NCAPH: variants seen among roughly 807,000 people sequenced by gnomAD.
The protein encoded by NCAPH is non-SMC condensin I complex subunit H, also known as condensin complex subunit 2.
In NCAPH, 38 loss-of-function variants were observed where a neutral mutation model predicts 85.5. The observed-to-expected ratio is 0.44, with a 90% CI of 0.34 to 0.58. NCAPH has a LOEUF of 0.58. Ranked by LOEUF, NCAPH falls within the 20% of genes least tolerant of loss-of-function variation. NCAPH has a pLI of 0.01. For synonymous variants in NCAPH, 301 were observed against 335.1 expected, an observed-to-expected ratio of 0.90 and a Z score of 1.11; for missense variants, 789 against 916.6, an observed-to-expected ratio of 0.86 and a Z score of 1.80.
intron 12 of NCAPH, among the ~76,000 whole-genome samples, chr2:96,361,328 G>C (rs2064605859): frequency 6.6e-6 from 1 of 152,042 alleles, no homozygotes; most frequent in Non-Finnish European, 1.5e-5. Flanking sequence ...AGGATTATAG[G>C]TGTGAGCCAC....
At chr2:96,361,763 TATA>T (rs2064615131) in intron 12 of NCAPH, among the ~76,000 whole-genome samples, 2 of 128,902 alleles carry the variant, frequency 1.6e-5, no homozygotes, top group Admixed American at 8.1e-5. Flanking sequence ...TATATATATA[TATA>T]TACATATATA....
chr2:96,345,482 A>G (rs924062696), intron 6 of NCAPH, among the ~76,000 whole-genome samples: 2 of 152,188 alleles, frequency 1.3e-5, no homozygotes, highest in African/African-American at 4.8e-5. Flanking sequence ...CCGGGGTGGA[A>G]CACTGCTGGG....
chr2:96,345,745 T>G (rs1365670565), intron 6 of NCAPH, among the ~76,000 whole-genome samples: 3 of 152,098 alleles, frequency 2.0e-5, no homozygotes, highest in South Asian at 4.1e-4. Context: ...GGGAGAGAGA[T>G]ATATATAGAG....
chr2:96,343,345 G>T (rs749554944), intron 5 of NCAPH, 41 bp downstream of exon 5: 1 of 1,576,306 alleles, frequency 6.3e-7, no homozygotes, highest in Non-Finnish European at 8.6e-7. Flanking sequence ...CTCTTTTTAG[G>T]GCATACCAGG....
At chr2:96,365,635 G>T (rs780341053) in intron 13 of NCAPH, among the ~76,000 whole-genome samples, 10 of 152,098 alleles carry the variant, frequency 6.6e-5, no homozygotes, top group Admixed American at 1.3e-4. Flanking sequence ...GGCAATTATG[G>T]TTATCGAATT....
rs1430196907 is a variant in NCAPH at position 96,374,739 on chromosome 2, ACT to A, written c.*1391_*1392del. The stretch of plus-strand genomic sequence containing the variant: ...AGTGGTGCCACAGGTGAGACTCCAC[ACT>A]CTGTCTTGCTGGGGCTGAAGCCTCC... On this transcript the variant is annotated 3_prime_UTR_variant, in exon 18 of 18. Transcript: ENST00000240423. 6.6e-6 allele frequency among the ~76,000 whole-genome samples: 1 copy of A among 152,170 alleles called. No homozygotes were observed. Among genetic ancestry groups the A allele is most frequent in the Non-Finnish European group, 1.5e-5 (1 of 68,034 alleles).
chr2:96,347,908 G>A (rs2064382160), intron 6 of NCAPH, among the ~76,000 whole-genome samples: 2 of 152,140 alleles, frequency 1.3e-5, no homozygotes, highest in African/African-American at 4.8e-5. Context: ...GAGAGTCACT[G>A]AGAATGAGGC....
At position 96,348,190 on chromosome 2, in the gene NCAPH, C is replaced by CT. The variant is rs544549788; in HGVS notation, c.721-3624dup. Among the ~76,000 whole-genome samples the CT allele has an allele frequency of 3.3e-3, 457 of 139,492 alleles. 3 individuals carry two copies. The highest frequency in any genetic ancestry group is 5.2e-3 in the African/African-American group (198 of 38,228). 91.5% of individuals were successfully genotyped at this position (139,492 alleles called of 152,430 possible). A position where few individuals can be genotyped will look rare whatever the true frequency, so the allele number is the denominator to read the frequency against. On this transcript the variant is annotated intron_variant, in intron 6 of 17. Transcript: ENST00000240423. Reference sequence around the variant, plus strand: ...AATCCATTTATGCCAAGGTCTCTCTCTTTTTTTTTTTTTTTTTGAGATGGA... The same window carrying CT: ...AATCCATTTATGCCAAGGTCTCTCTCTTTTTTTTTTTTTTTTTTGAGATGGA...
rs1358079680 is a variant in NCAPH, at chr2:96,367,342, C to T, written c.1967C>T (p.Thr656Ile). Residue 656 changes from threonine to isoleucine, a missense_variant, in exon 15 of 18, where the codon ACA (threonine) becomes ATA (isoleucine). By Grantham distance (89) the Thr-to-Ile change is moderately conservative. Transcript: ENST00000240423. ...AAGCAGAGCATGTGGAGTCTGCTGA[C>T]AGCGCTCTCCGGAAAGGAGGCAGAT... ...KLKQSMWSLL[T>I]ALSGKEADAE... 1.1e-5 allele frequency: 18 copies of T among 1,613,402 alleles called. No individual in the cohort carries two copies. The highest frequency in any genetic ancestry group is 1.4e-5 in the Non-Finnish European group (17 of 1,179,556).
At chr2:96,344,051 C>T in intron 5 of NCAPH, 54 bp from the exon 6 acceptor site, 17 of 1,570,312 alleles carry the variant, frequency 1.1e-5, no homozygotes, top group Non-Finnish European at 1.5e-5. Flanking sequence ...TTAGTAAGTT[C>T]ATCACATGCT....
At chr2:96,354,108 G>A (rs2064487480) in intron 8 of NCAPH, 75 bp from the exon 9 acceptor site, 2 of 1,431,312 alleles carry the variant, frequency 1.4e-6, no homozygotes, top group East Asian at 4.6e-5. Flanking sequence ...TTAAGGGTGA[G>A]AAGGCTGTCC....
intron 4 of NCAPH, 128 bp from the exon 5 acceptor site, chr2:96,343,038 G>C: frequency 7.6e-7 from 1 of 1,323,796 alleles, no homozygotes; most frequent in Non-Finnish European, 1.0e-6. Flanking sequence ...TTCCCTATCA[G>C]TCATAGAGGG....
chr2:96,359,313 G>T, intron 10 of NCAPH, 120 bp downstream of exon 10: 1 of 1,272,782 alleles, frequency 7.9e-7, no homozygotes, highest in Non-Finnish European at 1.1e-6. Context: ...ATAAGCCGAG[G>T]AAGCATACAG....
chr2:96,357,841 A>C (rs1281436557), intron 9 of NCAPH, among the ~76,000 whole-genome samples: 1 of 152,190 alleles, frequency 6.6e-6, no homozygotes, highest in Non-Finnish European at 1.5e-5. Context: ...CGGGAACTAT[A>C]TGTAGGCTCA....
At position 96,344,087 on chromosome 2, in the gene NCAPH, T is replaced by G. The variant is rs563229800; in HGVS notation, c.596-18T>G. The G allele has an allele frequency of 3.3e-4, 529 of 1,604,844 alleles. 5 individuals carry two copies. In the South Asian group the frequency reaches 5.6e-3, roughly 17 times the overall value. The stretch of plus-strand genomic sequence containing the variant: ...TCAAAGCAGCCCTTGCAGTACGCAA[T>G]TGTATTTCTCCTTTTAGATGGAAGT... On this transcript the variant is annotated intron_variant, in intron 5 of 17. Transcript: ENST00000240423.
At position 96,366,051 on chromosome 2, in the gene NCAPH, C is replaced by G. The variant is rs145154897; in HGVS notation, c.1874C>G (p.Pro625Arg). The change falls in exon 14 of 18, where the codon CCT becomes CGT. Residue 625 changes from proline to arginine, a missense_variant. Physicochemically the swap from Pro to Arg is moderately radical, Grantham distance 103 (BLOSUM62 -2). Transcript: ENST00000240423. Reference sequence around the variant, plus strand: ...GGGGAGTCAAACTTGGTAGCTGAGCCTCAGAAGGTACGGATGAAACAGCTG... The same window carrying G: ...GGGGAGTCAAACTTGGTAGCTGAGCGTCAGAAGGTACGGATGAAACAGCTG... ...TYGESNLVAE[P>R]QKVNKIEIHY... is the part of the protein sequence containing the mutation. 1 of 1,614,004 alleles carries G rather than the reference C, an allele frequency of 6.2e-7. No homozygotes were observed. Among genetic ancestry groups the G allele is most frequent in the African/African-American group, 1.3e-5 (1 of 74,894 alleles).
At chr2:96,349,224 G>A (rs1452011743) in intron 6 of NCAPH, among the ~76,000 whole-genome samples, 1 of 152,216 alleles carries the variant, frequency 6.6e-6, no homozygotes, top group African/African-American at 2.4e-5. Context: ...AATGAATACT[G>A]TCATGAAGAA....
rs865810872 is a variant in NCAPH, at chr2:96,342,221, T to C, written c.363+81T>C. The C allele has an allele frequency of 1.4e-4, 167 of 1,227,884 alleles. No individual in the cohort carries two copies. The Middle Eastern group carries it at 7.9e-3, about 58-fold the overall frequency. 76.1% of individuals were successfully genotyped at this position (1,227,884 alleles called of 1,614,324 possible). ...CCAGCTATCTTGTTTCTGTAGATAA[T>C]GCACAATCAATGATGATAATTCTCT... On this transcript the variant is annotated intron_variant, in intron 3 of 17. Transcript: ENST00000240423.
intron 1 of NCAPH, among the ~76,000 whole-genome samples, chr2:96,340,362 A>T (rs566699113): frequency 2.1e-5 from 3 of 145,728 alleles, no homozygotes; most frequent in African/African-American, 7.5e-5. Flanking sequence ...ACCCAGTAGG[A>T]TGACTAATAC....
Sources: gnomAD v4.1 joint callset for allele counts (sites outside exome capture counted in the v4.1 genomes callset) on GRCh38, gnomAD v4.1.1 for gene constraint, MANE v1.5 for transcripts, NCBI Gene and HGNC (gene_info 2026-07-23, HGNC 2026-07-21) for gene names.